The following INSYN2B variants were observed in gnomAD, a reference collection of about 807,000 sequenced individuals.
The protein encoded by INSYN2B is inhibitory synaptic factor family member 2B.
Under a neutral mutation model 41.2 loss-of-function variants are expected in INSYN2B, and 16 were observed. The ratio of observed to expected loss-of-function variants is 0.39; its 90% confidence interval spans 0.26 to 0.59. The LOEUF is 0.59. Among genes scored for constraint, INSYN2B ranks in the 20% least tolerant of loss-of-function variants. The pLI, the probability that INSYN2B is intolerant of heterozygous loss-of-function variation, is 0.57. For missense variants in INSYN2B, 608 were observed against 646.4 expected (o/e 0.94, Z 0.64); for synonymous variants, 245 against 244.4 (o/e 1.00, Z -0.02).
chr5:169,862,086 C>T lies in INSYN2B; in HGVS notation c.*2187G>A, dbSNP rs185175464. Among the ~76,000 whole-genome samples the T allele has an allele frequency of 2.6e-5, 4 of 152,286 alleles. No individual in the cohort carries two copies. Among genetic ancestry groups the T allele is most frequent in the Non-Finnish European group, 4.4e-5 (3 of 68,020 alleles). ...TTAATTTTGTGTGAGGTACCTCAAA[C>T]ATCTCTTTATCTTCCCAGGCTAACT... On this transcript the variant is annotated 3_prime_UTR_variant, in exon 4 of 4. Coordinates refer to ENST00000377365, the MANE Select transcript of INSYN2B (RefSeq NM_001129891.3).
intron 1 of INSYN2B, among the ~76,000 whole-genome samples, chr5:169,918,374 A>G (rs1774987881): frequency 6.6e-6 from 1 of 152,186 alleles, no homozygotes; most frequent in African/African-American, 2.4e-5. Flanking sequence ...AATTACTCAC[A>G]CACATGTACA....
At chr5:169,867,321 C>T (rs1771629726) in intron 3 of INSYN2B, among the ~76,000 whole-genome samples, 1 of 152,142 alleles carries the variant, frequency 6.6e-6, no homozygotes, top group African/African-American at 2.4e-5. Context: ...AGGCCTGCTC[C>T]TGAGGCCTAA....
intron 1 of INSYN2B, among the ~76,000 whole-genome samples, chr5:169,966,960 A>G (rs956439716): frequency 3.9e-5 from 6 of 152,234 alleles, no homozygotes; most frequent in Non-Finnish European, 5.9e-5. Flanking sequence ...GTAGATAGCT[A>G]CTTTCCCAAT....
chr5:169,875,538 TGTGGCC>T, intron 3 of INSYN2B: 1 of 262,386 alleles, frequency 3.8e-6, no homozygotes, highest in Non-Finnish European at 7.7e-6. Flanking sequence ...TGTGTTCTGC[TGTGGCC>T]GTTGCAATTA....
At chr5:169,924,010 C>A (rs1561827591) in intron 1 of INSYN2B, among the ~76,000 whole-genome samples, 2 of 152,194 alleles carry the variant, frequency 1.3e-5, no homozygotes, top group Non-Finnish European at 2.9e-5. Context: ...CAGGTGGAGG[C>A]TTTGTGTTTG....
chr5:169,930,250 A>G (rs1453127066), intron 1 of INSYN2B, among the ~76,000 whole-genome samples: 2 of 152,170 alleles, frequency 1.3e-5, no homozygotes, highest in African/African-American at 4.8e-5. Flanking sequence ...TCGGCCTCCC[A>G]AAGTGCTGGG....
intron 1 of INSYN2B, among the ~76,000 whole-genome samples, chr5:169,948,261 G>C (rs761510004): frequency 6.8e-4 from 104 of 151,952 alleles, no homozygotes; most frequent in Non-Finnish European, 1.3e-3. Flanking sequence ...CTCTCACAGA[G>C]CTTATATTTT....
chr5:169,976,478 A>G (rs190086272), intron 1 of INSYN2B, among the ~76,000 whole-genome samples: 1 of 152,308 alleles, frequency 6.6e-6, no homozygotes, highest in Admixed American at 6.5e-5. Flanking sequence ...TGATGAATGT[A>G]GGGCCCTGGG....
chr5:169,883,503 G>C lies in INSYN2B; in HGVS notation c.396C>G (p.Ile132Met). Residue 132 changes from isoleucine to methionine, a missense_variant, in exon 2 of 4, where the codon ATC becomes ATG. Coordinates refer to ENST00000377365, the MANE Select transcript of INSYN2B (RefSeq NM_001129891.3). ...VEMPTASQSAIQVNGNLSEQD... is the reference protein window; with the variant it reads ...VEMPTASQSAMQVNGNLSEQD... ...GTTCAGAGAGGTTACCGTTGACCTG[G>C]ATGGCACTTTGGGAGGCTGTTGGCA... 1 of 1,551,634 alleles carries C rather than the reference G, an allele frequency of 6.4e-7. No homozygotes were observed. Among genetic ancestry groups the C allele is most frequent in the Non-Finnish European group, 8.7e-7 (1 of 1,146,938 alleles).
intron 1 of INSYN2B, among the ~76,000 whole-genome samples, chr5:169,955,212 G>A (rs1195544927): frequency 2.0e-5 from 3 of 152,204 alleles, no homozygotes; most frequent in African/African-American, 7.2e-5. Flanking sequence ...GGTTCAGAGT[G>A]GTCCTGCAGG....
intron 1 of INSYN2B, among the ~76,000 whole-genome samples, chr5:169,979,895 C>T (rs1048261536): frequency 5.3e-5 from 8 of 152,234 alleles, no homozygotes; most frequent in African/African-American, 1.7e-4. Context: ...TAGATGGGGA[C>T]TAGAATCCCC....
chr5:169,899,439 G>A (rs970502610), intron 1 of INSYN2B, among the ~76,000 whole-genome samples: 6 of 152,284 alleles, frequency 3.9e-5, no homozygotes, highest in African/African-American at 1.4e-4. Flanking sequence ...AAATAGGATG[G>A]CAAGTCAGCA....
At chr5:169,897,341 C>T (rs1773671146) in intron 1 of INSYN2B, among the ~76,000 whole-genome samples, 1 of 152,132 alleles carries the variant, frequency 6.6e-6, no homozygotes, top group Non-Finnish European at 1.5e-5. Context: ...CACACCACCA[C>T]ACCCAGCTAA....
chr5:169,925,178 G>A (rs1189381204), intron 1 of INSYN2B, among the ~76,000 whole-genome samples: 5 of 152,176 alleles, frequency 3.3e-5, no homozygotes, highest in Non-Finnish European at 7.3e-5. Flanking sequence ...AGGGGACTCT[G>A]TAGTAGGGAG....
chr5:169,918,818 CAGG>C (rs1775020393), intron 1 of INSYN2B, among the ~76,000 whole-genome samples: 1 of 152,146 alleles, frequency 6.6e-6, no homozygotes, highest in African/African-American at 2.4e-5. Context: ...GAGGCTGAGG[CAGG>C]AGGATTGCTT....
At chr5:169,959,333 C>A (rs1001702991) in intron 1 of INSYN2B, among the ~76,000 whole-genome samples, 2 of 151,720 alleles carry the variant, frequency 1.3e-5, no homozygotes, top group Non-Finnish European at 2.9e-5. Context: ...CACACCACTG[C>A]ACTCCAGCCT....
chr5:169,974,776 C>T (rs1224550641), intron 1 of INSYN2B, among the ~76,000 whole-genome samples: 1 of 152,158 alleles, frequency 6.6e-6, no homozygotes, highest in Non-Finnish European at 1.5e-5. Context: ...TTGTTGTATA[C>T]ATGGAGAATA....
intron 1 of INSYN2B, among the ~76,000 whole-genome samples, chr5:169,932,282 GA>G (rs535331124): frequency 2.0e-3 from 310 of 152,302 alleles, no homozygotes; most frequent in Admixed American, 3.8e-3. Context: ...GAGTGAGGGG[GA>G]CACTCACTCA....
At chr5:169,971,018 C>T (rs1777484623) in intron 1 of INSYN2B, among the ~76,000 whole-genome samples, 1 of 152,030 alleles carries the variant, frequency 6.6e-6, no homozygotes, top group Admixed American at 6.6e-5. Context: ...TGCGTTCATG[C>T]CAAGCTGCTG....
Sources: allele counts gnomAD v4.1 joint callset (sites outside exome capture counted in the v4.1 genomes callset), GRCh38; gene constraint gnomAD v4.1.1; transcripts MANE v1.5; gene names NCBI Gene and HGNC (gene_info 2026-07-23, HGNC 2026-07-21).